SGIP1: variants seen among roughly 807,000 people sequenced by gnomAD.
SGIP1 encodes SH3-containing GRB2-like protein 3-interacting protein 1.
SGIP1 carries 38 observed loss-of-function variants against 107.5 expected under a neutral mutation model. The ratio of observed to expected loss-of-function variants is 0.35; its 90% confidence interval spans 0.27 to 0.46. The LOEUF is 0.46. Ranked by LOEUF, SGIP1 falls within the 20% of genes least tolerant of loss-of-function variation. SGIP1 has a pLI of 1.00. For synonymous variants in SGIP1, 365 were observed against 366.1 expected (o/e 1.00, Z 0.03); for missense variants, 929 against 1,019.5 (o/e 0.91, Z 1.21).
intron 24 of SGIP1, 126 bp downstream of exon 24, chr1:66,741,562 A>G (rs2094446448): frequency 3.1e-6 from 3 of 953,828 alleles, no homozygotes; most frequent in Non-Finnish European, 4.4e-6. Context: ...CCCCATCCCA[A>G]TTAGAAAACC....
At chr1:66,720,796 T>C (rs1250985561) in intron 19 of SGIP1, among the ~76,000 whole-genome samples, 1 of 152,162 alleles carries the variant, frequency 6.6e-6, no homozygotes, top group African/African-American at 2.4e-5. Flanking sequence ...TAGACTATAC[T>C]ATAAAAATTT....
chr1:66,661,558 A>G (rs2081477349), intron 8 of SGIP1, among the ~76,000 whole-genome samples: 1 of 152,212 alleles, frequency 6.6e-6, no homozygotes, highest in African/African-American at 2.4e-5. Context: ...AAAATAAAAT[A>G]GGCAGCTACA....
chr1:66,613,871 A>G (rs952101264), intron 1 of SGIP1, among the ~76,000 whole-genome samples: 2 of 152,198 alleles, frequency 1.3e-5, no homozygotes, highest in African/African-American at 2.4e-5. Flanking sequence ...CTAGTTAGAA[A>G]AGTCTCTGGC....
rs1571476739 is a variant in SGIP1 at position 66,664,380 on chromosome 1, T to C, written c.472-3150T>C. ...TACAAGTAAATTGACTAGAATAATA[T>C]GTCTAGTGTCCTAGCTACTTATAAA... On this transcript the variant is annotated intron_variant, in intron 8 of 24. Coordinates refer to ENST00000371037, the MANE Select transcript of SGIP1 (RefSeq NM_032291.4). 2.0e-5 allele frequency among the ~76,000 whole-genome samples: 3 copies of C among 152,312 alleles called. No homozygotes were observed. In the South Asian group the frequency reaches 6.2e-4, roughly 32 times the overall value.
intron 7 of SGIP1, among the ~76,000 whole-genome samples, chr1:66,649,234 A>G (rs771744707): frequency 6.1e-5 from 9 of 148,632 alleles, no homozygotes; most frequent in Non-Finnish European, 1.3e-4. Flanking sequence ...CTTTTAGAGG[A>G]ACTACTTTTA....
intron 8 of SGIP1, among the ~76,000 whole-genome samples, chr1:66,663,648 T>C (rs2081971176): frequency 6.6e-6 from 1 of 152,136 alleles, no homozygotes; most frequent in African/African-American, 2.4e-5. Context: ...TCTAGCTGTG[T>C]CTTTTGGGTT....
At chr1:66,625,195 G>T (rs2072344576) in intron 1 of SGIP1, among the ~76,000 whole-genome samples, 1 of 152,208 alleles carries the variant, frequency 6.6e-6, no homozygotes, top group Non-Finnish European at 1.5e-5. Flanking sequence ...TGCAGAAGGA[G>T]AGACATTTGG....
At chr1:66,701,894 T>C (rs538619624) in intron 18 of SGIP1, among the ~76,000 whole-genome samples, 35 of 152,322 alleles carry the variant, frequency 2.3e-4, no homozygotes, top group African/African-American at 7.9e-4. Flanking sequence ...TGTACAGAAT[T>C]CATGTTAGAA....
intron 1 of SGIP1, among the ~76,000 whole-genome samples, chr1:66,577,478 C>T (rs1245292987): frequency 1.3e-5 from 2 of 152,138 alleles, no homozygotes; most frequent in East Asian, 3.9e-4. Context: ...TTTCATCCTT[C>T]CCGGCTTCTT....
intron 1 of SGIP1, among the ~76,000 whole-genome samples, chr1:66,602,879 T>A (rs2066133849): frequency 6.6e-6 from 1 of 152,148 alleles, no homozygotes; most frequent in East Asian, 1.9e-4. Flanking sequence ...GGAAGAATAT[T>A]TTACATAAAT....
chr1:66,677,873 G>T (rs751985348), intron 13 of SGIP1, among the ~76,000 whole-genome samples: 29 of 152,186 alleles, frequency 1.9e-4, no homozygotes, highest in Non-Finnish European at 2.8e-4. Context: ...ACTCCTTTGG[G>T]CTCACATACA....
intron 24 of SGIP1, among the ~76,000 whole-genome samples, 189 bp from the exon 25 acceptor site, chr1:66,742,884 G>A (rs1377737193): frequency 6.6e-6 from 1 of 152,154 alleles, no homozygotes. Flanking sequence ...ATGTGAAGAG[G>A]CAACTAGCTG....
At position 66,677,104 on chromosome 1, in the gene SGIP1, ATGTGTCTGC is replaced by A; in HGVS notation, c.739+10_739+18del. The A allele has an allele frequency of 6.2e-7, 1 of 1,607,834 alleles. No homozygotes were observed. The highest frequency in any genetic ancestry group is 8.5e-7 in the Non-Finnish European group (1 of 1,174,680). ...GGCCTTTTCCCACTGGAAGTAAGTT[ATGTGTCTGC>A]TCTGTCTGGAAAAATAAGTGACTCA... On this transcript the variant is annotated intron_variant, in intron 13 of 24. Transcript: ENST00000371037.
rs1290039177 is a variant in SGIP1 at position 66,625,830 on chromosome 1, T to C, written c.11-17T>C. ...TGTTGCTGAGAGAGTTTTTGACCCT[T>C]TGCTGTTTTCCCACAGGATTGAAAA... is the stretch of plus-strand genomic sequence containing the variant. On this transcript the variant is annotated splice_polypyrimidine_tract_variant and intron_variant, in intron 1 of 24. Transcript: ENST00000371037. 1.2e-6 allele frequency: 2 copies of C among 1,610,958 alleles called. No homozygotes were observed. Among genetic ancestry groups the C allele is most frequent in the East Asian group, 4.5e-5 (2 of 44,786 alleles).
intron 18 of SGIP1, among the ~76,000 whole-genome samples, chr1:66,698,674 G>C (rs971974595): frequency 1.1e-4 from 16 of 151,992 alleles, no homozygotes; most frequent in African/African-American, 3.9e-4. Flanking sequence ...CACGGCGCCC[G>C]GCCCAAATGG....
intron 3 of SGIP1, 145 bp downstream of exon 3, chr1:66,633,239 T>C: frequency 3.0e-6 from 2 of 657,114 alleles, no homozygotes; most frequent in Middle Eastern, 4.4e-4. Context: ...TTTTCTATAT[T>C]AATTGCATGG....
chr1:66,643,303 G>T (rs2077108750), intron 6 of SGIP1, among the ~76,000 whole-genome samples: 1 of 152,106 alleles, frequency 6.6e-6, no homozygotes. Flanking sequence ...CACAACAAAT[G>T]GTCAACTGCA....
chr1:66,624,164 T>C (rs2071994362), intron 1 of SGIP1, among the ~76,000 whole-genome samples: 1 of 152,146 alleles, frequency 6.6e-6, no homozygotes, highest in African/African-American at 2.4e-5. Context: ...TTGCTGAATA[T>C]GGCATTCATT....
chr1:66,652,786 C>T (rs1198445413), intron 7 of SGIP1, among the ~76,000 whole-genome samples: 1 of 152,120 alleles, frequency 6.6e-6, no homozygotes, highest in Admixed American at 6.6e-5. Flanking sequence ...AGGTGAGCTC[C>T]AGTCTCCTAC....
Sources: allele counts gnomAD v4.1 joint callset (sites outside exome capture counted in the v4.1 genomes callset), GRCh38; gene constraint gnomAD v4.1.1; transcripts MANE v1.5; gene names NCBI Gene and HGNC (gene_info 2026-07-23, HGNC 2026-07-21).